Variants in DUX4 observed in about 807,000 individuals in gnomAD.
DUX4 encodes double homeobox protein 4.
chr4:190,182,328 T>C, intron 1 of DUX4: 1 of 103,480 alleles, frequency 9.7e-6, no homozygotes, highest in African/African-American at 2.7e-5. Flanking sequence ...AGGGTAAGGC[T>C]TAGGGTTCAG....
chr4:190,176,677 A>T (rs1387075821), downstream of DUX4, among the ~76,000 whole-genome samples: 21 of 117,916 alleles, frequency 1.8e-4, no homozygotes, highest in African/African-American at 5.1e-4. Flanking sequence ...GAGTTTCATC[A>T]CTTGGTTGAT....
downstream of DUX4, among the ~76,000 whole-genome samples, chr4:190,178,311 A>AGCATAGAGAAGC (rs1742417410): frequency 3.9e-5 from 1 of 25,670 alleles, no homozygotes; most frequent in Admixed American, 3.2e-4. Flanking sequence ...CACAGAGAAG[A>AGCATAGAGAAGC]GTTGCACCAC....
At chr4:190,177,876 CTGTAGCCATAT>C (rs1742392784), downstream of DUX4, among the ~76,000 whole-genome samples, 3 of 69,868 alleles carry the variant, frequency 4.3e-5, no homozygotes, top group Non-Finnish European at 6.3e-5. Flanking sequence ...CACAATGTCC[CTGTAGCCATAT>C]CCTTGACAAA....
downstream of DUX4, among the ~76,000 whole-genome samples, chr4:190,179,306 T>TGTAGGCAGA (rs1742486255): frequency 2.4e-5 from 1 of 41,740 alleles, no homozygotes; most frequent in African/African-American, 9.5e-5. Context: ...TATGTCACAA[T>TGTAGGCAGA]GCCACTGTAG....
intron 1 of DUX4, chr4:190,183,216 C>T (rs1742623601): frequency 9.9e-6 from 1 of 101,124 alleles, no homozygotes; most frequent in African/African-American, 2.8e-5. Context: ...ATTTATATTA[C>T]ACTATTACTT....
At chr4:190,183,189 A>T (rs1453822728) in intron 1 of DUX4, 1 of 93,030 alleles carries the variant, frequency 1.1e-5, no homozygotes, top group African/African-American at 2.8e-5. Flanking sequence ...TCACATTATT[A>T]CTAATAATAA....
chr4:190,178,823 C>T (rs1742454756), downstream of DUX4, among the ~76,000 whole-genome samples: 55 of 150,528 alleles, frequency 3.7e-4, no homozygotes, highest in East Asian at 2.0e-3. Flanking sequence ...GGCGAGATCT[C>T]TCACAATTCC....
chr4:190,179,045 CAGATCCTAGAAAAGAGTCCCATTACT>C (rs1742474287), downstream of DUX4, among the ~76,000 whole-genome samples: 1 of 2,728 alleles, frequency 3.7e-4, no homozygotes, highest in African/African-American at 2.5e-3. Flanking sequence ...TCCCTTTAGG[CAGATCCTAGAAAAGAGTCCCATTACT>C]TGGGTGATCA....
chr4:190,176,461 A>T (rs1324403762), downstream of DUX4, among the ~76,000 whole-genome samples: 1 of 110,044 alleles, frequency 9.1e-6, no homozygotes, highest in African/African-American at 2.7e-5. Flanking sequence ...GGCCTAGACA[A>T]GTGTTACATC....
intron 1 of DUX4, among the ~76,000 whole-genome samples, chr4:190,181,287 T>C: frequency 9.5e-6 from 1 of 105,034 alleles, no homozygotes; most frequent in South Asian, 3.3e-4. Flanking sequence ...TATGTGACAA[T>C]GCCGCCAGTA....
At chr4:190,177,870 A>AGCACCC (rs1742391913), downstream of DUX4, among the ~76,000 whole-genome samples, 1 of 145,358 alleles carries the variant, frequency 6.9e-6, no homozygotes, top group Non-Finnish European at 1.5e-5. Flanking sequence ...ATATGTCACA[A>AGCACCC]TGTCCCTGTA....
chr4:190,179,511 GCC>G (rs1742500277), downstream of DUX4, among the ~76,000 whole-genome samples: 7 of 49,132 alleles, frequency 1.4e-4, no homozygotes, highest in African/African-American at 2.0e-4. Context: ...TATGTCACAA[GCC>G]CCCTGTAGGC....
chr4:190,181,282 G>A (rs1579837108), intron 1 of DUX4, among the ~76,000 whole-genome samples: 2 of 134,930 alleles, frequency 1.5e-5, no homozygotes, highest in East Asian at 2.4e-4. Flanking sequence ...AGAAATATGT[G>A]ACAATGCCGC....
intron 1 of DUX4, among the ~76,000 whole-genome samples, chr4:190,183,654 GAA>G (rs1742631897): frequency 9.0e-6 from 1 of 111,068 alleles, no homozygotes; most frequent in South Asian, 3.2e-4. Context: ...ACTGAACACA[GAA>G]ATGAACCAAT....
chr4:190,177,059 C>T (rs1742339407), downstream of DUX4, among the ~76,000 whole-genome samples: 9,253 of 77,362 alleles, frequency 0.12, 7 homozygotes, highest in Non-Finnish European at 0.13. Context: ...AAATCCCCCT[C>T]TAGGCAGAGT....
At chr4:190,182,020 G>A (rs1222127486) in intron 1 of DUX4, 5 of 112,752 alleles carry the variant, frequency 4.4e-5, no homozygotes, top group African/African-American at 1.3e-4. Context: ...GGTGATCAGT[G>A]CAGAGATCTA....
downstream of DUX4, among the ~76,000 whole-genome samples, chr4:190,179,572 G>T (rs1742504118): frequency 2.0e-5 from 3 of 152,044 alleles, no homozygotes; most frequent in Admixed American, 6.5e-5. Flanking sequence ...GCAGTGATAT[G>T]TCACAATGCT....
chr4:190,178,533 T>C (rs1579834341), downstream of DUX4, among the ~76,000 whole-genome samples: 36 of 150,720 alleles, frequency 2.4e-4, no homozygotes, highest in African/African-American at 7.9e-4. Context: ...ATCACCTGGG[T>C]GATCAGTGCA....
chr4:190,181,435 G>T (rs1579837394), intron 1 of DUX4, among the ~76,000 whole-genome samples: 1 of 69,108 alleles, frequency 1.4e-5, no homozygotes, highest in African/African-American at 7.0e-5. Flanking sequence ...GCCCCTGCAG[G>T]CAGAGCGTAA....
Sources: allele counts gnomAD v4.1 joint callset (sites outside exome capture counted in the v4.1 genomes callset), GRCh38; gene constraint gnomAD v4.1.1; transcripts MANE v1.5; gene names NCBI Gene and HGNC (gene_info 2026-07-23, HGNC 2026-07-21).